Variants in PRR16 observed in about 807,000 individuals in gnomAD.
The protein encoded by PRR16 is protein Largen.
Under a neutral mutation model 18.2 loss-of-function variants are expected in PRR16, and 6 were observed. The observed-to-expected ratio is 0.33, with a 90% confidence interval of 0.18 to 0.65. PRR16 has a LOEUF of 0.65. Among genes scored for constraint, PRR16 ranks in the 30% least tolerant of loss-of-function variants. The pLI, the probability that PRR16 is intolerant of heterozygous loss-of-function variation, is 0.74. For synonymous variants in PRR16, 151 were observed against 147.8 expected (o/e 1.02, Z -0.16); for missense variants, 412 against 376.6 (o/e 1.09, Z -0.78).
At chr5:120,630,576 C>T (rs889427884) in intron 1 of PRR16, among the ~76,000 whole-genome samples, 1 of 49,450 alleles carries the variant, frequency 2.0e-5, no homozygotes, top group South Asian at 5.5e-4. Context: ...AAAACGAACA[C>T]CTTTTTTTTT....
chr5:120,739,264 T>G, the PRR16 span, among the ~76,000 whole-genome samples: 1 of 152,136 alleles, frequency 6.6e-6, no homozygotes, highest in Non-Finnish European at 1.5e-5. Context: ...ATTTAGATAC[T>G]GTTATAAAAA....
chr5:120,549,954 G>T (rs1173971688), intron 1 of PRR16, among the ~76,000 whole-genome samples: 5 of 151,880 alleles, frequency 3.3e-5, no homozygotes, highest in African/African-American at 9.7e-5. Context: ...TCATAAACAT[G>T]GTAAAGGATG....
chr5:120,740,036 T>C, the PRR16 span, among the ~76,000 whole-genome samples: 387 of 152,314 alleles, frequency 2.5e-3, 4 homozygotes, highest in African/African-American at 8.7e-3. Flanking sequence ...CCCCGGACTA[T>C]TATTCAATGT....
chr5:120,559,511 A>G (rs1752513012), intron 1 of PRR16, among the ~76,000 whole-genome samples: 1 of 151,716 alleles, frequency 6.6e-6, no homozygotes. Context: ...TTTCTTTGCT[A>G]TATGTGCCTG....
intron 1 of PRR16, among the ~76,000 whole-genome samples, chr5:120,671,392 C>T (rs1265500594): frequency 1.3e-5 from 2 of 152,038 alleles, no homozygotes; most frequent in Admixed American, 6.6e-5. Flanking sequence ...TACATCCTAC[C>T]ATCTTACCTT....
At chr5:120,675,323 G>T (rs1304532050) in intron 1 of PRR16, among the ~76,000 whole-genome samples, 1 of 152,144 alleles carries the variant, frequency 6.6e-6, no homozygotes, top group African/African-American at 2.4e-5. Flanking sequence ...TTATAGCAAG[G>T]ATTTCAGTTT....
intron 1 of PRR16, among the ~76,000 whole-genome samples, chr5:120,562,491 G>A (rs959462430): frequency 1.3e-5 from 2 of 152,058 alleles, no homozygotes; most frequent in African/African-American, 4.8e-5. Flanking sequence ...TATTATTGAT[G>A]AGTAGGACTT....
Position 120,673,878 on chromosome 5 carries a change from C to T in PRR16, c.160-12076C>T, listed in dbSNP as rs188324160. ...GTTGAGGCAGGAGAATCACTTCACCCTAGGAGGCGGTGGCTACAGTGAGCC... is the reference window on the plus strand; with the variant it reads ...GTTGAGGCAGGAGAATCACTTCACCTTAGGAGGCGGTGGCTACAGTGAGCC... On this transcript the variant is annotated intron_variant, in intron 1 of 1. Coordinates refer to ENST00000407149, the MANE Select transcript of PRR16 (RefSeq NM_001300783.2). 7.2e-5 allele frequency among the ~76,000 whole-genome samples: 11 copies of T among 151,900 alleles called. 1 individual carries two copies. In the East Asian group the frequency reaches 2.1e-3, roughly 29 times the overall value.
intron 1 of PRR16, among the ~76,000 whole-genome samples, chr5:120,507,608 C>T (rs1056838547): frequency 1.3e-5 from 2 of 152,042 alleles, no homozygotes; most frequent in Non-Finnish European, 1.5e-5. Flanking sequence ...TATATAAAGC[C>T]TGAAGACTCA....
chr5:120,745,853 C>T, the PRR16 span, among the ~76,000 whole-genome samples: 1 of 137,982 alleles, frequency 7.2e-6, no homozygotes, highest in Non-Finnish European at 1.6e-5. Context: ...CACCCGCCAC[C>T]ACGCCCGGGT....
intron 1 of PRR16, among the ~76,000 whole-genome samples, chr5:120,514,868 GT>G (rs1218414501): frequency 1.3e-5 from 2 of 151,724 alleles, no homozygotes; most frequent in Admixed American, 6.6e-5. Context: ...GGCAATTTGG[GT>G]TTTTTTTCTA....
chr5:120,739,367 G>A, the PRR16 span, among the ~76,000 whole-genome samples: 1 of 152,246 alleles, frequency 6.6e-6, no homozygotes, highest in Non-Finnish European at 1.5e-5. Flanking sequence ...GCTGTCAAAA[G>A]ACAAGGCTGA....
chr5:120,565,948 A>G (rs1161241071), intron 1 of PRR16, among the ~76,000 whole-genome samples: 11 of 152,204 alleles, frequency 7.2e-5, no homozygotes, highest in Admixed American at 6.5e-5. Context: ...TTAGTGTCAC[A>G]CAGATCACAA....
the PRR16 span, chr5:120,710,746 G>A: frequency 6.6e-6 from 1 of 152,158 alleles, no homozygotes; most frequent in Non-Finnish European, 1.5e-5. Context: ...CAGACTTCAA[G>A]TCATCATGGT....
At chr5:120,577,402 C>T (rs1753115240) in intron 1 of PRR16, among the ~76,000 whole-genome samples, 1 of 151,468 alleles carries the variant, frequency 6.6e-6, no homozygotes, top group Non-Finnish European at 1.5e-5. Context: ...ACCCATCACG[C>T]CCACAGACAA....
intron 1 of PRR16, among the ~76,000 whole-genome samples, chr5:120,502,869 C>A (rs905657608): frequency 6.6e-6 from 1 of 152,126 alleles, no homozygotes; most frequent in African/African-American, 2.4e-5. Flanking sequence ...TAAGTGGTTT[C>A]TTCTTATTCA....
At chr5:120,469,267 G>A (rs1749194103) in intron 1 of PRR16, among the ~76,000 whole-genome samples, 1 of 152,098 alleles carries the variant, frequency 6.6e-6, no homozygotes, top group African/African-American at 2.4e-5. Flanking sequence ...TTTGGTTAAT[G>A]AGCCCATGCA....
chr5:120,735,078 C>A, the PRR16 span, among the ~76,000 whole-genome samples: 2 of 152,166 alleles, frequency 1.3e-5, no homozygotes, highest in African/African-American at 4.8e-5. Flanking sequence ...ATGAATTTAA[C>A]TTTCTTAAAT....
At chr5:120,556,742 G>T (rs952048378) in intron 1 of PRR16, among the ~76,000 whole-genome samples, 1 of 151,810 alleles carries the variant, frequency 6.6e-6, no homozygotes, top group Non-Finnish European at 1.5e-5. Context: ...CTAGCCTATT[G>T]CACATCTTGG....
Sources: gnomAD v4.1 joint callset for allele counts (sites outside exome capture counted in the v4.1 genomes callset) on GRCh38, gnomAD v4.1.1 for gene constraint, MANE v1.5 for transcripts, NCBI Gene and HGNC (gene_info 2026-07-23, HGNC 2026-07-21) for gene names.